The following PDXDC1 variants were observed in gnomAD, a reference collection of about 807,000 sequenced individuals.
PDXDC1 encodes pyridoxal-dependent decarboxylase domain-containing protein 1.
Under a neutral mutation model 100.1 loss-of-function variants are expected in PDXDC1, and 42 were observed. That is an observed-to-expected ratio of 0.42 (90% CI 0.33 to 0.54). The LOEUF (loss-of-function observed/expected upper bound fraction) is 0.54. Among genes scored for constraint, PDXDC1 ranks in the 20% least tolerant of loss-of-function variants. PDXDC1 has a pLI of 0.10. For missense variants in PDXDC1, 636 were observed against 979.2 expected (o/e 0.65, Z 4.68); for synonymous variants, 260 against 371.7 (o/e 0.70, Z 3.46).
intron 16 of PDXDC1, chr16:15,137,610 C>T (rs1014837674): frequency 1.2e-4 from 167 of 1,368,498 alleles, no homozygotes; most frequent in Non-Finnish European, 1.6e-4. Flanking sequence ...CCCATCCGCC[C>T]GCCGCACTCA....
At chr16:15,129,126 AT>A (rs2047918692) in intron 16 of PDXDC1, among the ~76,000 whole-genome samples, 1 of 151,934 alleles carries the variant, frequency 6.6e-6, no homozygotes, top group South Asian at 2.1e-4. Flanking sequence ...AAAGTAGGTA[AT>A]CAAAAGAAAG....
intron 16 of PDXDC1, chr16:15,131,515 C>T (rs1160177191): frequency 4.9e-5 from 79 of 1,608,736 alleles, no homozygotes; most frequent in Non-Finnish European, 5.9e-5. Flanking sequence ...CGAGCGCTTG[C>T]CCTGGGCCAC....
At chr16:15,135,655 C>T (rs1316323190) in intron 16 of PDXDC1, 14 of 1,591,384 alleles carry the variant, frequency 8.8e-6, no homozygotes, top group South Asian at 2.2e-5. Context: ...TGACCTGTGT[C>T]GAAGCCACAC....
intron 16 of PDXDC1, among the ~76,000 whole-genome samples, chr16:15,062,793 T>C (rs2044766546): frequency 6.6e-6 from 1 of 152,226 alleles, no homozygotes; most frequent in Non-Finnish European, 1.5e-5. Context: ...AAAAAAGCCA[T>C]AGACTCTTTA....
intron 16 of PDXDC1, chr16:15,126,684 T>C (rs1304389188): frequency 1.1e-5 from 1 of 87,320 alleles, no homozygotes; most frequent in African/African-American, 3.9e-5. Context: ...GGAGATGGAG[T>C]CTTGCTCCGT....
At chr16:15,056,002 G>A (rs2044500818) in intron 16 of PDXDC1, 14 of 1,169,330 alleles carry the variant, frequency 1.2e-5, no homozygotes, top group Non-Finnish European at 1.5e-5. Context: ...CAGGCCCAGG[G>A]AGGCGGCGGC....
the PDXDC1 span, among the ~76,000 whole-genome samples, chr16:15,145,775 G>A: frequency 5.9e-5 from 9 of 152,262 alleles, no homozygotes; most frequent in African/African-American, 2.2e-4. Flanking sequence ...TGACGCCCCC[G>A]CCGCTGTGCC....
At chr16:15,018,672 AC>A (rs1236747320) in intron 11 of PDXDC1, among the ~76,000 whole-genome samples, 167 bp from the exon 12 acceptor site, 2 of 152,196 alleles carry the variant, frequency 1.3e-5, no homozygotes, top group Non-Finnish European at 2.9e-5. Context: ...GAGTGAAGTT[AC>A]CTAGAATACT....
At chr16:15,050,787 C>G (rs1222419490) in intron 16 of PDXDC1, among the ~76,000 whole-genome samples, 1 of 152,006 alleles carries the variant, frequency 6.6e-6, no homozygotes, top group Non-Finnish European at 1.5e-5. Context: ...ACATAATGAT[C>G]AGCTTGATTA....
chr16:15,147,887 ATGTTGG>A, the PDXDC1 span, among the ~76,000 whole-genome samples: 1 of 151,942 alleles, frequency 6.6e-6, no homozygotes, highest in Non-Finnish European at 1.5e-5. Flanking sequence ...GGGTTTCACC[ATGTTGG>A]TCAGGCTGGT....
chr16:15,011,740 T>A (rs1250448821), intron 8 of PDXDC1, among the ~76,000 whole-genome samples: 2 of 152,142 alleles, frequency 1.3e-5, no homozygotes, highest in Admixed American at 1.3e-4. Flanking sequence ...CTTGGCTCAC[T>A]GCAACCTCCG....
At chr16:15,094,157 G>T (rs780076230) in intron 16 of PDXDC1, 4 of 1,599,810 alleles carry the variant, frequency 2.5e-6, no homozygotes, top group Non-Finnish European at 3.4e-6. Context: ...AGTCCTCGAC[G>T]CGCCCAGCTT....
rs529518846 is a variant in PDXDC1, at chr16:15,051,173, G to C, written c.1399+21117G>C. ...GCAAAGGCGAATTTTTAACACTCAT[G>C]TTCACAATTGGGTCACCACTCAAAA... is the stretch of plus-strand genomic sequence containing the variant. On this transcript the variant is annotated intron_variant, in intron 16 of 16. Transcript: ENST00000535621. Among the ~76,000 whole-genome samples, 3 of 152,372 alleles carry C rather than the reference G, an allele frequency of 2.0e-5. No individual in the cohort carries two copies. The South Asian group carries it at 6.2e-4, about 32-fold the overall frequency.
At chr16:15,031,960 G>T in intron 17 of PDXDC1, 54 bp downstream of exon 17, 1 of 1,426,752 alleles carries the variant, frequency 7.0e-7, no homozygotes, top group South Asian at 1.2e-5. Context: ...TAAAGAACAT[G>T]AGTGGGTCAT....
chr16:15,111,482 A>C (rs2047060193), intron 16 of PDXDC1, among the ~76,000 whole-genome samples: 1 of 140,698 alleles, frequency 7.1e-6, no homozygotes. Flanking sequence ...AAAATAGGCC[A>C]GGTGTGGTAG....
In PDXDC1 at chr16:15,130,619, G is replaced by A. The variant is rs565483124; in HGVS notation, c.1400-8260G>A. 37 of 1,365,924 alleles carry A rather than the reference G, an allele frequency of 2.7e-5. No homozygotes were observed. In the East Asian group the frequency reaches 4.6e-4, roughly 17 times the overall value. The allele number at this position is 1,365,924 out of a possible 1,614,324, so 84.6% of individuals were successfully genotyped here. ...ATGCCCTGCCCTGCCCTGCCAGGCCGGCCCGCAGAGCTCACCCCGGGGAAA... is the reference window on the plus strand; with the variant it reads ...ATGCCCTGCCCTGCCCTGCCAGGCCAGCCCGCAGAGCTCACCCCGGGGAAA... On this transcript the variant is annotated intron_variant, in intron 16 of 16. Transcript: ENST00000535621.
In PDXDC1 at chr16:15,117,518, G is replaced by A. The variant is rs1473733052; in HGVS notation, c.1400-21361G>A. ...CTAAAAATACAAAAATTAGCCAGGCGTGGTGGTCTACTAAAAATACACAAA... is the reference window on the plus strand; with the variant it reads ...CTAAAAATACAAAAATTAGCCAGGCATGGTGGTCTACTAAAAATACACAAA... On this transcript the variant is annotated intron_variant, in intron 16 of 16. Transcript: ENST00000535621. 2.0e-5 allele frequency among the ~76,000 whole-genome samples: 3 copies of A among 151,586 alleles called. 1 individual carries two copies. Among genetic ancestry groups the A allele is most frequent in the South Asian group, 2.1e-4 (1 of 4,790 alleles).
At chr16:15,039,445 A>G (rs1349246067), downstream of PDXDC1, among the ~76,000 whole-genome samples, 3 of 152,218 alleles carry the variant, frequency 2.0e-5, no homozygotes, top group Non-Finnish European at 4.4e-5. Context: ...CTCAAATGGC[A>G]TATAAACCTT....
chr16:15,013,348 C>CAAAAAAAAA (rs1310266362), intron 8 of PDXDC1, among the ~76,000 whole-genome samples: 2 of 111,828 alleles, frequency 1.8e-5, no homozygotes, highest in African/African-American at 3.5e-5. Flanking sequence ...GACCCTATCT[C>CAAAAAAAAA]AAAAAAAAAA....
Sources: gnomAD v4.1 joint callset for allele counts (sites outside exome capture counted in the v4.1 genomes callset) on GRCh38, gnomAD v4.1.1 for gene constraint, MANE v1.5 for transcripts, NCBI Gene and HGNC (gene_info 2026-07-23, HGNC 2026-07-21) for gene names.